PRKG1: variants seen among roughly 807,000 people sequenced by gnomAD.
PRKG1 encodes cGMP-dependent protein kinase 1.
Under a neutral mutation model 88.1 loss-of-function variants are expected in PRKG1, and 35 were observed. That is an observed-to-expected ratio of 0.40 (90% CI 0.30 to 0.53). PRKG1 has a LOEUF of 0.53. Ranked by LOEUF, PRKG1 falls within the 20% of genes least tolerant of loss-of-function variation. The probability of loss-of-function intolerance (pLI) is 0.59; values close to 1 mark genes in which losing one functional copy is unlikely to be tolerated. For synonymous variants in PRKG1, 303 were observed against 292.5 expected (o/e 1.04, Z -0.37); for missense variants, 540 against 839.8 (o/e 0.64, Z 4.41).
intron 2 of PRKG1, among the ~76,000 whole-genome samples, chr10:51,253,611 C>CA (rs1284556778): frequency 6.6e-6 from 1 of 151,878 alleles, no homozygotes; most frequent in African/African-American, 2.4e-5. Context: ...TCAGAGAAGT[C>CA]AGGGTTGGCA....
chr10:52,123,138 T>G (rs1342978150), intron 7 of PRKG1, among the ~76,000 whole-genome samples: 1 of 152,186 alleles, frequency 6.6e-6, no homozygotes, highest in Non-Finnish European at 1.5e-5. Flanking sequence ...AAGTGAAGTT[T>G]GTATGTCAGA....
intron 3 of PRKG1, among the ~76,000 whole-genome samples, chr10:51,700,821 A>G (rs540215319): frequency 5.3e-5 from 8 of 152,322 alleles, no homozygotes; most frequent in African/African-American, 1.4e-4. Context: ...CTATTGGAAA[A>G]CTTTTTTAGT....
chr10:51,375,225 A>G (rs1390010823), intron 2 of PRKG1, among the ~76,000 whole-genome samples: 2 of 151,920 alleles, frequency 1.3e-5, no homozygotes, highest in Non-Finnish European at 2.9e-5. Context: ...TAACTTGTAT[A>G]TGCATTGGAG....
intron 2 of PRKG1, among the ~76,000 whole-genome samples, chr10:51,355,505 T>C (rs1050045391): frequency 6.6e-6 from 1 of 152,044 alleles, no homozygotes; most frequent in Non-Finnish European, 1.5e-5. Flanking sequence ...AAATCAAAGT[T>C]GAAACATTAA....
intron 2 of PRKG1, among the ~76,000 whole-genome samples, chr10:51,221,044 T>C (rs1838515990): frequency 6.6e-6 from 1 of 152,088 alleles, no homozygotes. Flanking sequence ...ATTTGTGCAA[T>C]AATTAGATAA....
At chr10:51,995,494 C>T (rs969961740) in intron 5 of PRKG1, among the ~76,000 whole-genome samples, 2 of 152,108 alleles carry the variant, frequency 1.3e-5, no homozygotes, top group East Asian at 3.9e-4. Flanking sequence ...CGTTAAATAG[C>T]GTTAAATGTT....
At chr10:51,291,382 C>T (rs764504657) in intron 2 of PRKG1, among the ~76,000 whole-genome samples, 3 of 152,088 alleles carry the variant, frequency 2.0e-5, no homozygotes, top group Admixed American at 1.3e-4. Context: ...GGGCCCCACT[C>T]GGATCTTCTT....
chr10:51,576,257 G>A (rs1019898219), intron 3 of PRKG1, among the ~76,000 whole-genome samples: 35 of 151,916 alleles, frequency 2.3e-4, no homozygotes, highest in Admixed American at 8.5e-4. Flanking sequence ...AGCATACTTC[G>A]AAACAGTTAT....
chr10:51,879,742 G>A (rs1841389881), intron 4 of PRKG1, among the ~76,000 whole-genome samples: 1 of 152,198 alleles, frequency 6.6e-6, no homozygotes, highest in East Asian at 1.9e-4. Context: ...TGGCTTGAGT[G>A]TAGGTCTCTG....
chr10:51,099,988 G>A (rs1844639224), intron 1 of PRKG1, among the ~76,000 whole-genome samples: 1 of 152,050 alleles, frequency 6.6e-6, no homozygotes, highest in African/African-American at 2.4e-5. Flanking sequence ...CAAACTCCTG[G>A]GGTCAAGCCA....
At chr10:51,749,557 T>C (rs1837667144) in intron 3 of PRKG1, among the ~76,000 whole-genome samples, 1 of 152,156 alleles carries the variant, frequency 6.6e-6, no homozygotes, top group Non-Finnish European at 1.5e-5. Context: ...CCCAAAGCCC[T>C]GTCTCCAAAT....
In PRKG1 at chr10:51,535,655, G is replaced by C. The variant is rs1842127239; in HGVS notation, c.592+67819G>C. 2.0e-5 allele frequency among the ~76,000 whole-genome samples: 3 copies of C among 151,274 alleles called. No homozygotes were observed. In the South Asian group the frequency reaches 6.3e-4, roughly 32 times the overall value. ...GCAACAATCAAGAAAATTAAAAAGA[G>C]AGAGGAAGAATAAAACACAAAAATA... On this transcript the variant is annotated intron_variant, in intron 3 of 17. Transcript: ENST00000373980.
intron 2 of PRKG1, among the ~76,000 whole-genome samples, chr10:51,284,814 T>C (rs1840391435): frequency 6.8e-6 from 1 of 147,804 alleles, no homozygotes; most frequent in South Asian, 2.1e-4. Context: ...CTGAGATAGA[T>C]AAAATAATGC....
intron 5 of PRKG1, among the ~76,000 whole-genome samples, chr10:51,925,904 A>G (rs1425734387): frequency 1.3e-5 from 2 of 152,204 alleles, no homozygotes; most frequent in African/African-American, 4.8e-5. Flanking sequence ...GTGTTGACTT[A>G]CAAGCTCTTT....
At chr10:51,113,220 A>T (rs2131899961) in intron 1 of PRKG1, among the ~76,000 whole-genome samples, 1 of 152,332 alleles carries the variant, frequency 6.6e-6, no homozygotes, top group African/African-American at 2.4e-5. Context: ...GGTTCAGAGA[A>T]GTTAAGTGAC....
chr10:51,943,212 G>A (rs1345710204), intron 5 of PRKG1, among the ~76,000 whole-genome samples: 12 of 151,942 alleles, frequency 7.9e-5, no homozygotes, highest in African/African-American at 1.7e-4. Flanking sequence ...TCTCTTTGAA[G>A]CAATTGTGAA....
intron 9 of PRKG1, among the ~76,000 whole-genome samples, chr10:52,219,028 A>G (rs1840181367): frequency 6.6e-6 from 1 of 152,172 alleles, no homozygotes; most frequent in Admixed American, 6.5e-5. Flanking sequence ...ATGAAACACA[A>G]TTTAAAAAGG....
intron 1 of PRKG1, among the ~76,000 whole-genome samples, chr10:51,059,005 T>C (rs959464926): frequency 2.6e-5 from 4 of 152,212 alleles, no homozygotes; most frequent in Admixed American, 1.3e-4. Context: ...TATTGAACCA[T>C]TTGTTTATCC....
intron 3 of PRKG1, among the ~76,000 whole-genome samples, chr10:51,659,056 G>T (rs1353362798): frequency 6.6e-6 from 1 of 152,012 alleles, no homozygotes; most frequent in Non-Finnish European, 1.5e-5. Context: ...TATGCAATTT[G>T]CCCACTTTGC....
Sources: allele counts gnomAD v4.1 joint callset (sites outside exome capture counted in the v4.1 genomes callset), GRCh38; gene constraint gnomAD v4.1.1; transcripts MANE v1.5; gene names NCBI Gene and HGNC (gene_info 2026-07-23, HGNC 2026-07-21).